The following C12orf56 variants were observed in gnomAD, a reference collection of about 807,000 sequenced individuals.
C12orf56 encodes chromosome 12 open reading frame 56.
A neutral mutation model predicts 69.9 loss-of-function variants in C12orf56; 71 were observed. The observed-to-expected ratio is 1.02, with a 90% confidence interval of 0.84 to 1.24. The LOEUF (loss-of-function observed/expected upper bound fraction) is 1.24, where lower values mean the gene tolerates loss of function less well. Ranked by LOEUF, C12orf56 falls within the 50% of genes most tolerant of loss-of-function variation. The pLI is 0.00. For synonymous variants in C12orf56, 276 were observed against 274.1 expected, an observed-to-expected ratio of 1.01 and a Z score of -0.07; for missense variants, 732 against 738.5, an observed-to-expected ratio of 0.99 and a Z score of 0.10.
chr12:64,280,345 G>C (rs2136757663), intron 8 of C12orf56, among the ~76,000 whole-genome samples: 1 of 152,198 alleles, frequency 6.6e-6, no homozygotes, highest in African/African-American at 2.4e-5. Flanking sequence ...TATTGTTTAG[G>C]TTGTTATTAT....
intron 3 of C12orf56, among the ~76,000 whole-genome samples, chr12:64,322,809 C>T (rs2038789469): frequency 6.6e-6 from 1 of 152,172 alleles, no homozygotes; most frequent in African/African-American, 2.4e-5. Context: ...GCTTCTAACT[C>T]AAATGTTTAA....
At chr12:64,374,799 T>TGTAA (rs1237752506) in intron 1 of C12orf56, among the ~76,000 whole-genome samples, 2 of 152,052 alleles carry the variant, frequency 1.3e-5, no homozygotes, top group Non-Finnish European at 2.9e-5. Context: ...CTACCTTGGC[T>TGTAA]TCCCAAAGTG....
At chr12:64,388,701 T>A (rs1049580600) in intron 1 of C12orf56, among the ~76,000 whole-genome samples, 29 of 152,192 alleles carry the variant, frequency 1.9e-4, no homozygotes, top group Non-Finnish European at 2.8e-4. Context: ...CAAAAAAAAA[T>A]TTTTAATTAG....
intron 2 of C12orf56, among the ~76,000 whole-genome samples, chr12:64,334,033 G>C (rs981408994): frequency 6.6e-6 from 1 of 152,126 alleles, no homozygotes; most frequent in African/African-American, 2.4e-5. Flanking sequence ...CAGTTGACAT[G>C]CTTCTTCAGT....
intron 3 of C12orf56, among the ~76,000 whole-genome samples, chr12:64,323,554 G>A (rs916922929): frequency 7.9e-6 from 1 of 127,260 alleles, no homozygotes; most frequent in Non-Finnish European, 1.6e-5. Context: ...AACAACTACT[G>A]CAAACATTTC....
chr12:64,342,393 T>C (rs908653119), intron 2 of C12orf56, among the ~76,000 whole-genome samples: 3 of 152,202 alleles, frequency 2.0e-5, no homozygotes, highest in African/African-American at 7.2e-5. Flanking sequence ...CTGTCCACTT[T>C]CGGGTGGTGC....
chr12:64,278,026 G>A (rs909738851), intron 8 of C12orf56, among the ~76,000 whole-genome samples: 3 of 152,178 alleles, frequency 2.0e-5, no homozygotes, highest in Admixed American at 6.5e-5. Context: ...AGCGAGTGTA[G>A]TTCTAGAAGT....
At chr12:64,324,223 G>A (rs1459390838) in intron 3 of C12orf56, among the ~76,000 whole-genome samples, 1 of 152,202 alleles carries the variant, frequency 6.6e-6, no homozygotes, top group Non-Finnish European at 1.5e-5. Flanking sequence ...TATGTACCAA[G>A]CACTGGGCCA....
chr12:64,319,772 A>G (rs150164146), intron 3 of C12orf56, among the ~76,000 whole-genome samples: 1 of 152,334 alleles, frequency 6.6e-6, no homozygotes, highest in African/African-American at 2.4e-5. Flanking sequence ...ATAGCCAGTC[A>G]TCTATCGCCT....
At chr12:64,303,482 C>T (rs1221662588) in intron 6 of C12orf56, among the ~76,000 whole-genome samples, 153 bp downstream of exon 6, 1 of 151,282 alleles carries the variant, frequency 6.6e-6, no homozygotes, top group Non-Finnish European at 1.5e-5. Context: ...ACAAAGTATC[C>T]ACCATTAAGA....
At chr12:64,361,242 T>C (rs12318559) in intron 1 of C12orf56, among the ~76,000 whole-genome samples, 42,857 of 151,780 alleles carry the variant, frequency 0.28, 6,311 homozygotes, top group Middle Eastern at 0.48. Context: ...AAAAAACAAT[T>C]ATTATTGAAC....
chr12:64,305,588 G>T (rs928985511), intron 5 of C12orf56, among the ~76,000 whole-genome samples: 2 of 152,104 alleles, frequency 1.3e-5, no homozygotes, highest in African/African-American at 4.8e-5. Context: ...TCACCATGTT[G>T]GCTGGGCTGG....
chr12:64,319,081 A>G, intron 3 of C12orf56, 101 bp from the exon 4 acceptor site: 1 of 1,142,528 alleles, frequency 8.8e-7, no homozygotes, highest in Non-Finnish European at 1.2e-6. Flanking sequence ...TTTTCTCACA[A>G]AAGGAATGCT....
intron 5 of C12orf56, among the ~76,000 whole-genome samples, chr12:64,304,705 G>A (rs1388114580): frequency 6.6e-6 from 1 of 152,166 alleles, no homozygotes; most frequent in Non-Finnish European, 1.5e-5. Flanking sequence ...GCTTTACTGG[G>A]CGCTGACGAG....
intron 12 of C12orf56, 151 bp from the exon 13 acceptor site, chr12:64,267,439 T>C (rs1018650382): frequency 6.1e-5 from 39 of 634,540 alleles, no homozygotes; most frequent in Non-Finnish European, 1.0e-4. Context: ...ATCTCCAATC[T>C]CCCCCATTTG....
chr12:64,273,601 C>G (rs1212064333), intron 11 of C12orf56, among the ~76,000 whole-genome samples: 1 of 152,180 alleles, frequency 6.6e-6, no homozygotes, highest in African/African-American at 2.4e-5. Flanking sequence ...GCTGTGGTAA[C>G]AAACCTCCCA....
At chr12:64,378,267 A>G (rs2039667496) in intron 1 of C12orf56, among the ~76,000 whole-genome samples, 1 of 152,192 alleles carries the variant, frequency 6.6e-6, no homozygotes, top group African/African-American at 2.4e-5. Flanking sequence ...GACTCTGGCT[A>G]ATAAAATGTG....
Position 64,284,680 on chromosome 12 carries a change from T to C in C12orf56, c.1294A>G (p.Thr432Ala), listed in dbSNP as rs2038176264. ...ETETESSRLN[T>A]LAAKKGALFN... is the part of the protein sequence containing the mutation. ...AGACCTTACTTCTTAGCTGCCAATG[T>C]GTTCAGGCGTGATGACTCGGTTTCT... Residue 432 changes from threonine (T) to alanine (A), a missense_variant, in exon 8 of 13, where the codon ACA becomes GCA. Thr to Ala is a moderately conservative substitution (Grantham distance 58, BLOSUM62 0). Coordinates refer to ENST00000543942, the MANE Select transcript of C12orf56 (RefSeq NM_001170633.2). 2 of 1,609,954 alleles carry C rather than the reference T, an allele frequency of 1.2e-6. No individual in the cohort carries two copies. Among genetic ancestry groups the C allele is most frequent in the Non-Finnish European group, 1.7e-6 (2 of 1,178,574 alleles).
chr12:64,296,772 T>A lies in C12orf56; in HGVS notation c.1113+6863A>T, dbSNP rs918780162. On this transcript the variant is annotated intron_variant, in intron 6 of 12. Transcript: ENST00000543942. Reference sequence around the variant, plus strand: ...GTTGAGAGGCGAGACCTTTAAGAGGTTGATTGGGTCATGAGGCTCCTGACC... The same window carrying A: ...GTTGAGAGGCGAGACCTTTAAGAGGATGATTGGGTCATGAGGCTCCTGACC... Among the ~76,000 whole-genome samples, 12 of 152,014 alleles carry A rather than the reference T, an allele frequency of 7.9e-5. 1 individual carries two copies. The highest frequency in any genetic ancestry group is 1.5e-4 in the Non-Finnish European group (10 of 68,012).
Sources: allele counts gnomAD v4.1 joint callset (sites outside exome capture counted in the v4.1 genomes callset), GRCh38; gene constraint gnomAD v4.1.1; transcripts MANE v1.5; gene names NCBI Gene and HGNC (gene_info 2026-07-23, HGNC 2026-07-21).